The following CCDC191 variants were observed in gnomAD, a reference collection of about 807,000 sequenced individuals.
CCDC191 encodes coiled-coil domain containing 191, also known as coiled-coil domain-containing protein 191.
In CCDC191, 99 loss-of-function variants were observed where a neutral mutation model predicts 114.0. That is an observed-to-expected ratio of 0.87 (90% CI 0.74 to 1.03). CCDC191 has a LOEUF of 1.03. CCDC191 is among the 50% of genes least tolerant of loss of function. The pLI, the probability that CCDC191 is intolerant of heterozygous loss-of-function variation, is 0.00. For missense variants in CCDC191, 973 were observed against 1,087.0 expected (o/e 0.90, Z 1.47); for synonymous variants, 351 against 376.0 (o/e 0.93, Z 0.77).
intron 13 of CCDC191, chr3:113,984,786 A>G: frequency 6.6e-6 from 1 of 152,350 alleles, no homozygotes; most frequent in East Asian, 1.9e-4. Flanking sequence ...TTTGGGCTTG[A>G]TATAGTGAGA....
intron 16 of CCDC191, among the ~76,000 whole-genome samples, chr3:113,970,958 A>G (rs1440474645): frequency 6.6e-6 from 1 of 152,232 alleles, no homozygotes; most frequent in East Asian, 1.9e-4. Flanking sequence ...TTCTTAATCC[A>G]GTCTATCATT....
chr3:114,025,841 C>T (rs1021271117), intron 7 of CCDC191, among the ~76,000 whole-genome samples: 1 of 152,162 alleles, frequency 6.6e-6, no homozygotes. Flanking sequence ...CACATAAACA[C>T]AAACTATGCC....
intron 7 of CCDC191, among the ~76,000 whole-genome samples, chr3:114,031,307 A>G (rs1440088292): frequency 3.9e-5 from 6 of 152,210 alleles, no homozygotes; most frequent in African/African-American, 1.4e-4. Context: ...ACTGCCAGAG[A>G]GCTACCTTAG....
intron 11 of CCDC191, chr3:114,004,386 C>G: frequency 9.6e-7 from 1 of 1,036,774 alleles, no homozygotes; most frequent in Non-Finnish European, 1.2e-6. Context: ...AAATGATATA[C>G]CTTTCAGCTA....
chr3:114,038,126 C>T (rs1278090596), intron 4 of CCDC191, among the ~76,000 whole-genome samples: 3 of 152,202 alleles, frequency 2.0e-5, no homozygotes, highest in African/African-American at 7.2e-5. Context: ...TCAGTATGGT[C>T]AGTCTTTCAA....
intron 7 of CCDC191, among the ~76,000 whole-genome samples, chr3:114,029,361 TAAAC>T (rs915352476): frequency 1.2e-4 from 18 of 151,934 alleles, no homozygotes; most frequent in African/African-American, 4.1e-4. Flanking sequence ...CTGAATAAAA[TAAAC>T]AATTGCATAA....
chr3:113,994,709 A>G (rs2087172004), intron 13 of CCDC191, among the ~76,000 whole-genome samples: 2 of 151,764 alleles, frequency 1.3e-5, no homozygotes, highest in South Asian at 4.2e-4. Context: ...TCAGCCTCCC[A>G]AGTAGCTGGG....
intron 11 of CCDC191, chr3:114,003,785 T>C: frequency 1.0e-6 from 1 of 985,448 alleles, no homozygotes; most frequent in Non-Finnish European, 1.2e-6. Context: ...CATTTGTAAT[T>C]ACTTCTTGTT....
chr3:114,051,927 A>C (rs2076703119), intron 2 of CCDC191, among the ~76,000 whole-genome samples: 1 of 152,236 alleles, frequency 6.6e-6, no homozygotes, highest in Non-Finnish European at 1.5e-5. Context: ...GAATAAAGCA[A>C]TGGTAACTAT....
At chr3:114,042,495 A>G (rs1019258809) in intron 4 of CCDC191, among the ~76,000 whole-genome samples, 1 of 152,222 alleles carries the variant, frequency 6.6e-6, no homozygotes, top group Non-Finnish European at 1.5e-5. Context: ...ACTGTAATAG[A>G]ATATTTTAAT....
chr3:113,988,626 CA>C (rs887679387), intron 13 of CCDC191, among the ~76,000 whole-genome samples: 2,059 of 43,698 alleles, frequency 0.047, 5 homozygotes, highest in African/African-American at 0.087. Flanking sequence ...GACTCCATCT[CA>C]AAAAAAAAAA....
intron 7 of CCDC191, among the ~76,000 whole-genome samples, chr3:114,019,911 C>T (rs978090172): frequency 2.6e-5 from 4 of 152,150 alleles, no homozygotes; most frequent in African/African-American, 9.7e-5. Flanking sequence ...AAACACCCAA[C>T]ACACTATATT....
intron 12 of CCDC191, 93 bp from the exon 13 acceptor site, chr3:114,001,789 T>G (rs1273460024): frequency 6.8e-7 from 1 of 1,478,646 alleles, no homozygotes; most frequent in Admixed American, 2.0e-5. Flanking sequence ...TCTACCAAAG[T>G]GCCTGTCCTA....
At chr3:114,022,199 C>T (rs2076253488) in intron 7 of CCDC191, among the ~76,000 whole-genome samples, 1 of 152,120 alleles carries the variant, frequency 6.6e-6, no homozygotes, top group Non-Finnish European at 1.5e-5. Flanking sequence ...AATGACAGCT[C>T]GCTCTGCTAA....
intron 13 of CCDC191, among the ~76,000 whole-genome samples, chr3:113,998,758 C>A (rs2075789433): frequency 6.6e-6 from 1 of 152,204 alleles, no homozygotes; most frequent in South Asian, 2.1e-4. Context: ...CTCACTGGAA[C>A]AGACACTCTA....
At chr3:114,026,584 C>T (rs180865880) in intron 7 of CCDC191, among the ~76,000 whole-genome samples, 1 of 152,284 alleles carries the variant, frequency 6.6e-6, no homozygotes, top group African/African-American at 2.4e-5. Context: ...GGTTTTGCCT[C>T]AGTGGTGTGT....
At chr3:114,054,672 A>C (rs200407970) in intron 1 of CCDC191, among the ~76,000 whole-genome samples, 1 of 151,914 alleles carries the variant, frequency 6.6e-6, no homozygotes, top group East Asian at 1.9e-4. Flanking sequence ...AACAACAACA[A>C]AAACTGGGGA....
intron 16 of CCDC191, among the ~76,000 whole-genome samples, chr3:113,970,975 C>T (rs1414992342): frequency 3.3e-5 from 5 of 152,142 alleles, no homozygotes; most frequent in Admixed American, 6.5e-5. Context: ...CATTGTTGGA[C>T]ATTTGGGTTG....
chr3:114,036,019 C>T (rs765702776), intron 5 of CCDC191, among the ~76,000 whole-genome samples: 3 of 152,082 alleles, frequency 2.0e-5, no homozygotes, highest in East Asian at 1.9e-4. Flanking sequence ...ATATTAATTC[C>T]GGATCAGTCT....
Sources: allele counts gnomAD v4.1 joint callset (sites outside exome capture counted in the v4.1 genomes callset), GRCh38; gene constraint gnomAD v4.1.1; transcripts MANE v1.5; gene names NCBI Gene and HGNC (gene_info 2026-07-23, HGNC 2026-07-21).